GFRA2: variants seen among roughly 807,000 people sequenced by gnomAD.
GFRA2 encodes GDNF family receptor alpha-2.
Under a neutral mutation model 48.3 loss-of-function variants are expected in GFRA2, and 17 were observed. The observed-to-expected ratio is 0.35, with a 90% CI of 0.24 to 0.53. GFRA2 has a LOEUF of 0.53. Among genes scored for constraint, GFRA2 ranks in the 20% least tolerant of loss-of-function variants. The probability of loss-of-function intolerance (pLI) is 0.93; values close to 1 mark genes in which losing one functional copy is unlikely to be tolerated. For synonymous variants in GFRA2, 305 were observed against 257.2 expected, an observed-to-expected ratio of 1.19 and a Z score of -1.78; for missense variants, 660 against 637.3, an observed-to-expected ratio of 1.04 and a Z score of -0.38.
At chr8:21,808,488 G>C (rs1739504511) in intron 1 of GFRA2, among the ~76,000 whole-genome samples, 2 of 152,222 alleles carry the variant, frequency 1.3e-5, no homozygotes, top group South Asian at 4.1e-4. Flanking sequence ...TCCAAAGTCA[G>C]AGTAAGCCTA....
chr8:21,775,989 C>CTGTGTGTGTG (rs200687629), intron 2 of GFRA2, among the ~76,000 whole-genome samples: 54 of 126,468 alleles, frequency 4.3e-4, no homozygotes, highest in Middle Eastern at 4.2e-3. Context: ...CACTCATCCT[C>CTGTGTGTGTG]TGTGTGTGTG....
At chr8:21,749,330 C>A (rs1287021269) in intron 4 of GFRA2, among the ~76,000 whole-genome samples, 1 of 151,572 alleles carries the variant, frequency 6.6e-6, no homozygotes, top group African/African-American at 2.4e-5. Context: ...TTTGGACCTA[C>A]GTTATGTCAT....
chr8:21,783,572 G>A (rs1303645825), intron 1 of GFRA2, among the ~76,000 whole-genome samples: 1 of 152,052 alleles, frequency 6.6e-6, no homozygotes, highest in Non-Finnish European at 1.5e-5. Flanking sequence ...AAGACAGGGA[G>A]AGATGAGCCT....
chr8:21,777,401 G>C (rs1436736414), intron 2 of GFRA2, among the ~76,000 whole-genome samples: 1 of 152,002 alleles, frequency 6.6e-6, no homozygotes, highest in Non-Finnish European at 1.5e-5. Context: ...TGATTAATGG[G>C]GTGGGGGTGG....
chr8:21,781,965 G>A (rs1807013793), intron 2 of GFRA2, among the ~76,000 whole-genome samples: 1 of 149,424 alleles, frequency 6.7e-6, no homozygotes, highest in South Asian at 2.1e-4. Context: ...CCTGTAGAAG[G>A]TGATAGGTCA....
rs967746757 is a variant in GFRA2, at chr8:21,777,990, G to A, written c.356-2935C>T. Reference sequence around the variant, plus strand: ...CCCTCTCTCCATCCTCCCCACTGCCGCCACGGGCTCTTTGCACCTGCTGTG... The same window carrying A: ...CCCTCTCTCCATCCTCCCCACTGCCACCACGGGCTCTTTGCACCTGCTGTG... On this transcript the variant is annotated intron_variant, in intron 2 of 8. Coordinates refer to ENST00000524240, the MANE Select transcript of GFRA2 (RefSeq NM_001495.5). Among the ~76,000 whole-genome samples, 5 of 152,248 alleles carry A rather than the reference G, an allele frequency of 3.3e-5. No homozygotes were observed. The South Asian group carries it at 6.2e-4, about 19-fold the overall frequency.
rs76584990 is a variant in GFRA2, at chr8:21,752,725, C to G, written c.440-1783G>C. Among the ~76,000 whole-genome samples, 3 of 152,096 alleles carry G rather than the reference C, an allele frequency of 2.0e-5. No homozygotes were observed. In the South Asian group the frequency reaches 6.2e-4, roughly 32 times the overall value. On this transcript the variant is annotated intron_variant, in intron 3 of 8. Transcript: ENST00000524240. ...CACTTGACACATCCAAACCCAACCC[C>G]GTATTTCCCCCCAAAACCTGGGGCT...
chr8:21,773,434 T>C (rs1806533305), intron 3 of GFRA2, among the ~76,000 whole-genome samples: 1 of 152,206 alleles, frequency 6.6e-6, no homozygotes, highest in African/African-American at 2.4e-5. Flanking sequence ...TTCCTGGGCA[T>C]CCAAGATTTC....
intron 3 of GFRA2, among the ~76,000 whole-genome samples, chr8:21,756,060 C>T (rs1174705373): frequency 6.6e-6 from 1 of 152,182 alleles, no homozygotes; most frequent in Non-Finnish European, 1.5e-5. Context: ...TGAGGAGAGA[C>T]AACAGGAGGG....
At chr8:21,797,358 A>G (rs1807696770) in intron 2 of GFRA2, 1 of 129,784 alleles carries the variant, frequency 7.7e-6, no homozygotes, top group African/African-American at 3.0e-5. Flanking sequence ...CGGTGCCATC[A>G]TAGCTCACTG....
chr8:21,705,104 T>C lies in GFRA2; in HGVS notation c.926A>G (p.Tyr309Cys). Residue 309 changes from tyrosine to cysteine, a missense_variant, in exon 6 of 9, where the codon TAT becomes TGT. By Grantham distance (194) the Tyr-to-Cys change is radical. Transcript: ENST00000524240. ...GMIGFDMTPN[Y>C]VDSSPTGIVV... ...GATGCCAGTGGGGCTGGAGTCCACA[T>C]AGTTAGGTGTCATGTCAAACCCTGG... The C allele has an allele frequency of 6.2e-7, 1 of 1,610,246 alleles. No individual in the cohort carries two copies. The highest frequency in any genetic ancestry group is 8.5e-7 in the Non-Finnish European group (1 of 1,178,956).
intron 3 of GFRA2, among the ~76,000 whole-genome samples, chr8:21,767,605 C>T: frequency 6.6e-6 from 1 of 152,244 alleles, no homozygotes. Context: ...CAGCACAGAG[C>T]AGGGGCGTCC....
chr8:21,739,147 GA>G (rs1381007072), intron 4 of GFRA2, among the ~76,000 whole-genome samples: 1 of 152,184 alleles, frequency 6.6e-6, no homozygotes, highest in Non-Finnish European at 1.5e-5. Flanking sequence ...TTGGACCAGG[GA>G]GAGTAGGGAC....
At chr8:21,701,304 G>A (rs550957531) in intron 7 of GFRA2, among the ~76,000 whole-genome samples, 3 of 152,376 alleles carry the variant, frequency 2.0e-5, no homozygotes, top group African/African-American at 7.2e-5. Flanking sequence ...TGAGGCAGGA[G>A]AATGGCGTGA....
chr8:21,706,214 G>C (rs1325407709), intron 4 of GFRA2, among the ~76,000 whole-genome samples, 173 bp from the exon 5 acceptor site: 2 of 152,196 alleles, frequency 1.3e-5, no homozygotes, highest in African/African-American at 2.4e-5. Flanking sequence ...GGCTCAATCT[G>C]TGAGCTTCTT....
At chr8:21,774,433 G>A (rs1383291436) in intron 3 of GFRA2, among the ~76,000 whole-genome samples, 5 of 133,662 alleles carry the variant, frequency 3.7e-5, no homozygotes, top group Non-Finnish European at 6.8e-5. Context: ...GAGCCCTCAA[G>A]AGAGAGGGAA....
In GFRA2 at chr8:21,702,970, G is replaced by A; in HGVS notation, c.1053C>T (p.Ala351=). 6.6e-7 allele frequency: 1 copy of A among 1,518,224 alleles called. No homozygotes were observed. Among genetic ancestry groups the A allele is most frequent in the Non-Finnish European group, 8.8e-7 (1 of 1,139,072 alleles). 94.0% of individuals were successfully genotyped at this position (1,518,224 alleles called of 1,614,324 possible). ...CCGTGCCGTTGCCAAAGGCCTGGATGGCGTTCCCTGGGATGGGGGTGAGGG... is the reference window on the plus strand; with the variant it reads ...CCGTGCCGTTGCCAAAGGCCTGGATAGCGTTCCCTGGGATGGGGGTGAGGG... ...DFTENPCLRN[A]IQAFGNGTDV... The change falls in exon 7 of 9, where the codon GCC becomes GCT. Residue 351 remains alanine (A), a synonymous_variant. Coordinates refer to ENST00000524240, the MANE Select transcript of GFRA2 (RefSeq NM_001495.5).
rs750542417 is a variant in GFRA2, at chr8:21,694,510, C to G, written c.1226G>C (p.Gly409Ala). The G allele has an allele frequency of 6.2e-7, 1 of 1,610,846 alleles. No individual in the cohort carries two copies. The highest frequency in any genetic ancestry group is 1.3e-5 in the African/African-American group (1 of 74,872). Residue 409 changes from glycine to alanine, a missense_variant, in exon 8 of 9, where the codon GGG becomes GCG. Coordinates refer to ENST00000524240, the MANE Select transcript of GFRA2 (RefSeq NM_001495.5). ...CTCTTTGGAGTTGTTGGCCTTCAGC[C>G]CCTGCTCCTGCGAGAGAGAAGGTGC... ...ITTCTSVQEQ[G>A]LKANNSKELS... is the part of the protein sequence containing the mutation.
At chr8:21,801,064 C>T (rs1288542856) in intron 2 of GFRA2, among the ~76,000 whole-genome samples, 2 of 152,098 alleles carry the variant, frequency 1.3e-5, no homozygotes, top group Admixed American at 1.3e-4. Flanking sequence ...ACAATCAGCC[C>T]CTGCTGGAAT....
Sources: allele counts gnomAD v4.1 joint callset (sites outside exome capture counted in the v4.1 genomes callset), GRCh38; gene constraint gnomAD v4.1.1; transcripts MANE v1.5; gene names NCBI Gene and HGNC (gene_info 2026-07-23, HGNC 2026-07-21).